The following SNX6 variants were observed in gnomAD, a reference collection of about 807,000 sequenced individuals.
SNX6 encodes sorting nexin-6.
A neutral mutation model predicts 63.0 loss-of-function variants in SNX6; 34 were observed. The ratio of observed to expected loss-of-function variants is 0.54; its 90% CI spans 0.41 to 0.72. The LOEUF is 0.72. Among genes scored for constraint, SNX6 ranks in the 30% least tolerant of loss-of-function variants. SNX6 has a pLI of 0.00. For synonymous variants in SNX6, 170 were observed against 164.2 expected, an observed-to-expected ratio of 1.04 and a Z score of -0.27; for missense variants, 398 against 471.4, an observed-to-expected ratio of 0.84 and a Z score of 1.44.
intron 2 of SNX6, among the ~76,000 whole-genome samples, chr14:34,616,202 C>G (rs1883414211): frequency 6.7e-6 from 1 of 148,376 alleles, no homozygotes; most frequent in Non-Finnish European, 1.5e-5. Flanking sequence ...GATCCACCTG[C>G]TTCAGCCTCC....
chr14:34,597,178 AAC>A, intron 7 of SNX6, among the ~76,000 whole-genome samples: 1 of 152,196 alleles, frequency 6.6e-6, no homozygotes, highest in Non-Finnish European at 1.5e-5. Context: ...GCCCCATGGT[AAC>A]CCCTTAACCA....
intron 13 of SNX6, among the ~76,000 whole-genome samples, chr14:34,565,629 G>T (rs1351276263): frequency 6.6e-6 from 1 of 151,804 alleles, no homozygotes. Flanking sequence ...CGATCGTCTC[G>T]CCTCAGCCTC....
At chr14:34,615,219 G>T (rs989713307) in intron 2 of SNX6, among the ~76,000 whole-genome samples, 1 of 151,582 alleles carries the variant, frequency 6.6e-6, no homozygotes, top group Non-Finnish European at 1.5e-5. Flanking sequence ...TTTTGGTCTT[G>T]AATTCTACTT....
At chr14:34,619,924 C>A (rs758814744) in intron 2 of SNX6, among the ~76,000 whole-genome samples, 2 of 152,100 alleles carry the variant, frequency 1.3e-5, no homozygotes, top group Non-Finnish European at 2.9e-5. Context: ...GCTGCCCAAG[C>A]TAGACTTGAA....
rs544903967 is a variant in SNX6, at chr14:34,609,052, T to C, written c.159+586A>G. ...CAAAAAAAATAGTAATAATAATTATTTGTAAGACAGTAATTTGACTAACAG... is the reference window on the plus strand; with the variant it reads ...CAAAAAAAATAGTAATAATAATTATCTGTAAGACAGTAATTTGACTAACAG... On this transcript the variant is annotated intron_variant, in intron 3 of 13. Coordinates refer to ENST00000362031, the MANE Select transcript of SNX6 (RefSeq NM_152233.4). Among the ~76,000 whole-genome samples the C allele has an allele frequency of 3.3e-5, 5 of 151,722 alleles. No individual in the cohort carries two copies. The Admixed American group carries it at 3.3e-4, about 10-fold the overall frequency.
At chr14:34,591,302 T>G (rs910036062) in intron 8 of SNX6, among the ~76,000 whole-genome samples, 3 of 152,210 alleles carry the variant, frequency 2.0e-5, no homozygotes, top group Non-Finnish European at 4.4e-5. Flanking sequence ...TGTAGCATTA[T>G]GCACTTGGCC....
At chr14:34,590,966 C>A (rs1594719496) in intron 8 of SNX6, among the ~76,000 whole-genome samples, 1 of 152,014 alleles carries the variant, frequency 6.6e-6, no homozygotes, top group African/African-American at 2.4e-5. Flanking sequence ...CAAAGCCAGA[C>A]AATAAAGAAT....
chr14:34,593,200 T>A (rs1322445983), intron 7 of SNX6, 50 bp from the exon 8 acceptor site: 1 of 1,117,474 alleles, frequency 8.9e-7, no homozygotes, highest in South Asian at 1.4e-5. Context: ...TTGCTTTAGT[T>A]TTATATGTAA....
At chr14:34,589,910 A>G (rs934503869) in intron 8 of SNX6, among the ~76,000 whole-genome samples, 5 of 152,086 alleles carry the variant, frequency 3.3e-5, no homozygotes, top group African/African-American at 9.7e-5. Context: ...CAGGAGTTCA[A>G]GACCAACCCA....
chr14:34,606,376 C>T (rs569251615), intron 4 of SNX6, among the ~76,000 whole-genome samples: 2 of 151,754 alleles, frequency 1.3e-5, no homozygotes, highest in South Asian at 4.2e-4. Context: ...CCACTTCAGG[C>T]TCCTAAAGTG....
At chr14:34,617,224 T>C (rs1883449994) in intron 2 of SNX6, among the ~76,000 whole-genome samples, 1 of 152,018 alleles carries the variant, frequency 6.6e-6, no homozygotes, top group South Asian at 2.1e-4. Flanking sequence ...AGGTTAAACA[T>C]GTGTGTCGCT....
At chr14:34,579,544 C>T (rs1242142717) in intron 10 of SNX6, among the ~76,000 whole-genome samples, 3 of 151,928 alleles carry the variant, frequency 2.0e-5, no homozygotes, top group South Asian at 2.1e-4. Context: ...GAGTTTGAGG[C>T]TACAATGAGT....
rs1324449160 is a variant in SNX6, at chr14:34,630,148, C to T, written c.-32G>A. The T allele has an allele frequency of 8.5e-6, 11 of 1,296,102 alleles. No homozygotes were observed. In the East Asian group the frequency reaches 1.3e-4, roughly 15 times the overall value. 80.3% of individuals were successfully genotyped at this position (1,296,102 alleles called of 1,614,324 possible). A position where few individuals can be genotyped will look rare whatever the true frequency, so the allele number is the denominator to read the frequency against. ...TCCGAGGCGAGGGCCGGCGCAGGCG[C>T]GCATCTCCCTGCTGCCGGAGGGAGC... On this transcript the variant is annotated 5_prime_UTR_variant, in exon 1 of 14. Transcript: ENST00000362031.
chr14:34,599,960 T>C lies in SNX6; in HGVS notation c.517-2315A>G, dbSNP rs1317358754. Among the ~76,000 whole-genome samples the C allele has an allele frequency of 2.0e-5, 3 of 152,068 alleles. No homozygotes were observed. In the East Asian group the frequency reaches 5.8e-4, roughly 29 times the overall value. ...GCTCAAATTCTAACAGCAAATGACTTAAAACTGTCCCTTTCCACTCCTACT... is the reference window on the plus strand; with the variant it reads ...GCTCAAATTCTAACAGCAAATGACTCAAAACTGTCCCTTTCCACTCCTACT... On this transcript the variant is annotated intron_variant, in intron 6 of 13. Transcript: ENST00000362031.
chr14:34,589,272 T>C (rs1295900533), intron 8 of SNX6, among the ~76,000 whole-genome samples: 1 of 151,070 alleles, frequency 6.6e-6, no homozygotes, highest in Non-Finnish European at 1.5e-5. Context: ...CTGGCCAACA[T>C]GGTGAAACCC....
intron 10 of SNX6, among the ~76,000 whole-genome samples, chr14:34,576,452 A>ATATAT (rs1274675434): frequency 1.6e-5 from 1 of 63,162 alleles, no homozygotes. Flanking sequence ...ATATATATAT[A>ATATAT]TTTTTTTTTT....
chr14:34,594,864 G>A (rs1350774580), intron 7 of SNX6, among the ~76,000 whole-genome samples: 5 of 152,008 alleles, frequency 3.3e-5, no homozygotes, highest in Admixed American at 1.3e-4. Flanking sequence ...TGGGGAGGCC[G>A]AGGTGGGCAG....
chr14:34,629,601 T>C (rs1883961256), intron 2 of SNX6: 1 of 640,618 alleles, frequency 1.6e-6, no homozygotes, highest in Non-Finnish European at 2.9e-6. Context: ...GGGCGTTCCA[T>C]CTCCCGCCTC....
intron 2 of SNX6, among the ~76,000 whole-genome samples, chr14:34,619,392 A>T (rs1036290735): frequency 6.6e-6 from 1 of 152,046 alleles, no homozygotes; most frequent in African/African-American, 2.4e-5. Context: ...ACTGCACTCC[A>T]GCCTCGGTAA....
Sources: gnomAD v4.1 joint callset for allele counts (sites outside exome capture counted in the v4.1 genomes callset) on GRCh38, gnomAD v4.1.1 for gene constraint, MANE v1.5 for transcripts, NCBI Gene and HGNC (gene_info 2026-07-23, HGNC 2026-07-21) for gene names.